The following CD99 variants were observed in gnomAD, a reference collection of about 807,000 sequenced individuals.
The protein encoded by CD99 is CD99 molecule (Xg blood group).
In CD99, 19 loss-of-function variants were observed where a neutral mutation model predicts 28.4. The ratio of observed to expected loss-of-function variants is 0.67; its 90% CI spans 0.47 to 0.98. The LOEUF (loss-of-function observed/expected upper bound fraction) is 0.98, where lower values mean the gene tolerates loss of function less well. Ranked by LOEUF, CD99 falls within the 50% of genes least tolerant of loss-of-function variation. CD99 has a pLI of 0.00. For synonymous variants in CD99, 103 were observed against 92.1 expected, an observed-to-expected ratio of 1.12 and a Z score of -0.67; for missense variants, 283 against 248.8, an observed-to-expected ratio of 1.14 and a Z score of -0.92.
intron 6 of CD99, 98 bp from the exon 7 acceptor site, chrX:2,723,216 A>G: frequency 8.4e-7 from 1 of 1,185,332 alleles, no homozygotes; most frequent in Non-Finnish European, 1.3e-6. Flanking sequence ...ACCCCCGTAG[A>G]GTGTAAGAAG....
At chrX:2,707,998 T>C (rs759919872) in intron 1 of CD99, among the ~76,000 whole-genome samples, 1 of 152,318 alleles carries the variant, frequency 6.6e-6, no homozygotes, top group Admixed American at 6.5e-5. Context: ...TAGGAGACGA[T>C]AGCTTCATTT....
chrX:2,696,822 G>T (rs920494864), intron 1 of CD99, among the ~76,000 whole-genome samples: 1 of 152,080 alleles, frequency 6.6e-6, no homozygotes, highest in Non-Finnish European at 1.5e-5. Context: ...ATTCTTTCTT[G>T]GCTTGGTTCC....
At chrX:2,708,283 TTCAGGGTGCCCACG>T (rs1223380708) in intron 1 of CD99, among the ~76,000 whole-genome samples, 1 of 152,124 alleles carries the variant, frequency 6.6e-6, no homozygotes, top group Non-Finnish European at 1.5e-5. Context: ...TTATGGGTGA[TTCAGGGTGCCCACG>T]TCTATATGAA....
intron 8 of CD99, 145 bp downstream of exon 8, chrX:2,726,518 A>G: frequency 1.4e-6 from 1 of 705,506 alleles, no homozygotes; most frequent in Non-Finnish European, 2.6e-6. Flanking sequence ...AAATTCTGGA[A>G]TCGAACCTTC....
chrX:2,733,409 T>A, intron 8 of CD99: 2 of 1,581,398 alleles, frequency 1.3e-6, no homozygotes, highest in Non-Finnish European at 1.7e-6. Flanking sequence ...CTGCGGAGCG[T>A]CCTGACCGTA....
chrX:2,691,703 C>A (rs745630622), intron 1 of CD99: 9 of 704,498 alleles, frequency 1.3e-5, no homozygotes, highest in Middle Eastern at 4.6e-4. Flanking sequence ...GAGGTGCGTC[C>A]GATTTTTCCC....
chrX:2,718,766 A>G (rs1427461553), intron 3 of CD99, among the ~76,000 whole-genome samples: 1 of 152,214 alleles, frequency 6.6e-6, no homozygotes, highest in Non-Finnish European at 1.5e-5. Context: ...AGTAAAAATG[A>G]TGCTAAAACT....
rs1169759938 is a variant in CD99 at position 2,691,346 on chromosome X, C to T, written c.-15C>T. 9 of 1,556,122 alleles carry T rather than the reference C, an allele frequency of 5.8e-6. No individual in the cohort carries two copies. Among genetic ancestry groups the T allele is most frequent in the African/African-American group, 1.4e-5 (1 of 71,576 alleles). Reference sequence around the variant, plus strand: ...CCTGCACTCCGGGACCGTCCCTGCGCGCTCTGGGCGCACCATGGCCCGCGG... The same window carrying T: ...CCTGCACTCCGGGACCGTCCCTGCGTGCTCTGGGCGCACCATGGCCCGCGG... On this transcript the variant is annotated 5_prime_UTR_variant, in exon 1 of 10. Coordinates refer to ENST00000381192, the MANE Select transcript of CD99 (RefSeq NM_002414.5).
At chrX:2,703,510 A>G (rs988328748) in intron 1 of CD99, among the ~76,000 whole-genome samples, 4 of 152,072 alleles carry the variant, frequency 2.6e-5, no homozygotes, top group Non-Finnish European at 5.9e-5. Context: ...ACGTGGGAGC[A>G]ATAGTTCACT....
intron 1 of CD99, among the ~76,000 whole-genome samples, chrX:2,707,653 G>T (rs2048186900): frequency 6.6e-6 from 1 of 152,198 alleles, no homozygotes; most frequent in African/African-American, 2.4e-5. Flanking sequence ...AGCTTTGAGA[G>T]GGCCGGGTGG....
chrX:2,714,587 C>T, intron 2 of CD99, 133 bp downstream of exon 2: 1 of 708,940 alleles, frequency 1.4e-6, no homozygotes, highest in Non-Finnish European at 2.5e-6. Flanking sequence ...TTTTTGGCTT[C>T]CCAGTACATA....
At chrX:2,731,696 T>G (rs2049617056) in intron 8 of CD99, among the ~76,000 whole-genome samples, 1 of 152,158 alleles carries the variant, frequency 6.6e-6, no homozygotes, top group Non-Finnish European at 1.5e-5. Flanking sequence ...ATCTGTGGTG[T>G]TTGTTAAATT....
intron 1 of CD99, among the ~76,000 whole-genome samples, chrX:2,699,317 G>A (rs1418422460): frequency 2.6e-5 from 4 of 151,250 alleles, no homozygotes; most frequent in Admixed American, 6.6e-5. Context: ...CTACAGGCAC[G>A]CACCACCACG....
chrX:2,710,725 C>T (rs1458242871), intron 1 of CD99, among the ~76,000 whole-genome samples: 2 of 151,958 alleles, frequency 1.3e-5, no homozygotes, highest in South Asian at 2.1e-4. Context: ...TCACGTCTAC[C>T]GCTGAGGCAC....
chrX:2,691,909 G>A, intron 1 of CD99: 1 of 779,352 alleles, frequency 1.3e-6, no homozygotes, highest in Non-Finnish European at 2.4e-6. Flanking sequence ...CCGGGTGGTG[G>A]GGGGAAGGGA....
Position 2,740,833 on chromosome X carries a change from T to C in CD99, c.*29T>C. 1 of 1,613,838 alleles carries C rather than the reference T, an allele frequency of 6.2e-7. No homozygotes were observed. Among genetic ancestry groups the C allele is most frequent in the Non-Finnish European group, 8.5e-7 (1 of 1,179,718 alleles). On this transcript the variant is annotated 3_prime_UTR_variant, in exon 10 of 10. Coordinates refer to ENST00000381192, the MANE Select transcript of CD99 (RefSeq NM_002414.5). ...ATTGTCGGCAGAAACAGCCCAGGCG[T>C]TGGCAGCAGGGTTAGAACAGCTGCC...
rs1417553273 is a variant in CD99, at chrX:2,723,310, G to A, written c.311-4G>A. ...CCATTGCAGACGTTGTTTTTGTCTTGCAGGAAAAGGAGGCAGTGATGGTGG... is the reference window on the plus strand; with the variant it reads ...CCATTGCAGACGTTGTTTTTGTCTTACAGGAAAAGGAGGCAGTGATGGTGG... On this transcript the variant is annotated splice_region_variant and splice_polypyrimidine_tract_variant and intron_variant, in intron 6 of 9. Coordinates refer to ENST00000381192, the MANE Select transcript of CD99 (RefSeq NM_002414.5). 1.2e-6 allele frequency: 2 copies of A among 1,613,778 alleles called. No individual in the cohort carries two copies. Among genetic ancestry groups the A allele is most frequent in the Non-Finnish European group, 1.7e-6 (2 of 1,179,856 alleles).
chrX:2,725,813 A>G (rs774704111), intron 7 of CD99, among the ~76,000 whole-genome samples: 5 of 152,194 alleles, frequency 3.3e-5, no homozygotes, highest in Admixed American at 1.3e-4. Flanking sequence ...GGGTTTTACC[A>G]TGTTGACCAG....
chrX:2,692,336 T>C (rs766462502), intron 1 of CD99: 20 of 205,328 alleles, frequency 9.7e-5, no homozygotes, highest in South Asian at 3.6e-4. Context: ...AGTGTGGACT[T>C]CAGGACGGGC....
Sources: gnomAD v4.1 joint callset for allele counts (sites outside exome capture counted in the v4.1 genomes callset) on GRCh38, gnomAD v4.1.1 for gene constraint, MANE v1.5 for transcripts, NCBI Gene and HGNC (gene_info 2026-07-23, HGNC 2026-07-21) for gene names.